TTC39B: variants seen among roughly 807,000 people sequenced by gnomAD.
TTC39B encodes the protein tetratricopeptide repeat protein 39B.
TTC39B carries 92 observed loss-of-function variants against 96.6 expected under a neutral mutation model. The observed-to-expected ratio is 0.95, with a 90% confidence interval of 0.80 to 1.13. TTC39B has a LOEUF of 1.13. TTC39B is among the 50% of genes most tolerant of loss of function. TTC39B has a pLI of 0.00. For missense variants in TTC39B, 955 were observed against 809.3 expected (o/e 1.18, Z -2.18); for synonymous variants, 367 against 299.4 (o/e 1.23, Z -2.33).
At chr9:15,227,479 A>G (rs1419021674) in intron 2 of TTC39B, among the ~76,000 whole-genome samples, 1 of 152,144 alleles carries the variant, frequency 6.6e-6, no homozygotes, top group African/African-American at 2.4e-5. Context: ...ATAGGGGAAA[A>G]CTGAAGTTGT....
At chr9:15,232,719 G>C (rs1210227130) in intron 2 of TTC39B, among the ~76,000 whole-genome samples, 3 of 152,232 alleles carry the variant, frequency 2.0e-5, no homozygotes, top group African/African-American at 7.2e-5. Flanking sequence ...GGCAGCAGCC[G>C]TTGCTGCGAC....
intron 15 of TTC39B, among the ~76,000 whole-genome samples, chr9:15,186,293 G>C (rs1304247900): frequency 6.6e-6 from 1 of 152,140 alleles, no homozygotes; most frequent in Non-Finnish European, 1.5e-5. Flanking sequence ...CAGTGGAAAA[G>C]GCAGTGGAAA....
At chr9:15,296,805 A>AT (rs1824397158) in intron 1 of TTC39B, among the ~76,000 whole-genome samples, 1 of 151,868 alleles carries the variant, frequency 6.6e-6, no homozygotes, top group African/African-American at 2.4e-5. Flanking sequence ...CCAAAAGCAA[A>AT]TTTTTTTAAA....
At position 15,196,233 on chromosome 9, in the gene TTC39B, A is replaced by G. The variant is rs777960122; in HGVS notation, c.825-3538T>C. ...TTTCATGCCTACTAACACAACATCC[A>G]TTCTGCAGCCCATGGATCAAGAAGT... On this transcript the variant is annotated intron_variant, in intron 8 of 19. Coordinates refer to ENST00000512701, the Ensembl canonical transcript of TTC39B. Among the ~76,000 whole-genome samples the G allele has an allele frequency of 1.2e-3, 190 of 152,332 alleles. 1 individual carries two copies. In the Middle Eastern group the frequency reaches 0.014, roughly 11 times the overall value.
intron 2 of TTC39B, among the ~76,000 whole-genome samples, chr9:15,230,668 T>C (rs981068240): frequency 1.3e-5 from 2 of 152,194 alleles, no homozygotes; most frequent in African/African-American, 4.8e-5. Flanking sequence ...TTACGAATAA[T>C]GCTGTTATGA....
chr9:15,199,602 G>T (rs1032647953), intron 8 of TTC39B, among the ~76,000 whole-genome samples: 1 of 151,424 alleles, frequency 6.6e-6, no homozygotes, highest in Admixed American at 6.6e-5. Flanking sequence ...GGGCGTGGTG[G>T]CGGGCGCCTG....
intron 1 of TTC39B, among the ~76,000 whole-genome samples, chr9:15,303,937 A>G (rs1217519850): frequency 6.6e-6 from 1 of 152,196 alleles, no homozygotes; most frequent in Non-Finnish European, 1.5e-5. Flanking sequence ...ACCTGGCCTC[A>G]TATGAGAAAA....
At chr9:15,250,761 T>C (rs1822499631) in intron 2 of TTC39B, among the ~76,000 whole-genome samples, 1 of 152,218 alleles carries the variant, frequency 6.6e-6, no homozygotes, top group African/African-American at 2.4e-5. Context: ...AGCTATACTT[T>C]TTTGGTTTAA....
intron 2 of TTC39B, among the ~76,000 whole-genome samples, chr9:15,239,272 T>C (rs893869974): frequency 9.2e-5 from 14 of 152,148 alleles, no homozygotes; most frequent in African/African-American, 2.9e-4. Flanking sequence ...ACAACAGATG[T>C]TGGATTGCTT....
At chr9:15,203,777 G>A (rs11789697) in intron 7 of TTC39B, 46 bp downstream of exon 7, 240,653 of 1,524,214 alleles carry the variant, frequency 0.16, 20,941 homozygotes, top group Non-Finnish European at 0.18. Context: ...ATGCAGCACT[G>A]GCAGTCTTCC....
intron 2 of TTC39B, among the ~76,000 whole-genome samples, chr9:15,259,919 G>A (rs1193804555): frequency 6.6e-6 from 1 of 152,282 alleles, no homozygotes; most frequent in Non-Finnish European, 1.5e-5. Context: ...AATTAGATTA[G>A]TGGATGCCCC....
intron 1 of TTC39B, among the ~76,000 whole-genome samples, chr9:15,280,027 C>G (rs1333957900): frequency 6.6e-6 from 1 of 151,482 alleles, no homozygotes; most frequent in Non-Finnish European, 1.5e-5. Context: ...TCCCAAGTAG[C>G]TGGGACTACA....
chr9:15,287,427 A>G (rs1056401325), intron 1 of TTC39B, among the ~76,000 whole-genome samples: 2 of 152,246 alleles, frequency 1.3e-5, no homozygotes, highest in African/African-American at 2.4e-5. Context: ...ATTGTCTCCA[A>G]TTGCCACAGT....
At chr9:15,192,908 C>T (rs974259612) in intron 8 of TTC39B, among the ~76,000 whole-genome samples, 1 of 152,116 alleles carries the variant, frequency 6.6e-6, no homozygotes, top group Non-Finnish European at 1.5e-5. Context: ...CAGTGTCTAG[C>T]AGGACCAGTG....
At chr9:15,176,961 C>A (rs548929109) in intron 18 of TTC39B, among the ~76,000 whole-genome samples, 1 of 152,264 alleles carries the variant, frequency 6.6e-6, no homozygotes, top group South Asian at 2.1e-4. Flanking sequence ...AAAACCAGAA[C>A]AAAACTCAAT....
intron 1 of TTC39B, among the ~76,000 whole-genome samples, chr9:15,272,783 C>G (rs1218768206): frequency 6.6e-6 from 1 of 152,210 alleles, no homozygotes; most frequent in Non-Finnish European, 1.5e-5. Context: ...AGCTAACTAA[C>G]TGGCTGAGCA....
intron 2 of TTC39B, among the ~76,000 whole-genome samples, chr9:15,230,307 C>G (rs1250445428): frequency 6.6e-6 from 1 of 150,576 alleles, no homozygotes; most frequent in East Asian, 2.1e-4. Flanking sequence ...AGTATATTCA[C>G]AGACTATCAC....
intron 1 of TTC39B, among the ~76,000 whole-genome samples, chr9:15,275,677 G>C (rs1342427819): frequency 2.6e-5 from 4 of 152,118 alleles, no homozygotes; most frequent in Middle Eastern, 3.2e-3. Context: ...TAAGGAGCTT[G>C]GTGGGGAAGG....
chr9:15,221,863 C>G (rs1224461203), intron 3 of TTC39B, among the ~76,000 whole-genome samples: 1 of 152,180 alleles, frequency 6.6e-6, no homozygotes, highest in African/African-American at 2.4e-5. Flanking sequence ...TAATAAGTTG[C>G]TTTTCAGTAT....
Sources: allele counts gnomAD v4.1 joint callset (sites outside exome capture counted in the v4.1 genomes callset), GRCh38; gene constraint gnomAD v4.1.1; transcripts MANE v1.5; gene names NCBI Gene and HGNC (gene_info 2026-07-23, HGNC 2026-07-21).